Variants in KCNMB2 observed in about 807,000 individuals in gnomAD.
KCNMB2 encodes the protein calcium-activated potassium channel subunit beta-2.
In KCNMB2, 9 loss-of-function variants were observed where a neutral mutation model predicts 24.5. That is an observed-to-expected ratio of 0.37 (90% CI 0.22 to 0.64). The LOEUF (loss-of-function observed/expected upper bound fraction) is 0.64, where lower values mean the gene tolerates loss of function less well. Among genes scored for constraint, KCNMB2 ranks in the 30% least tolerant of loss-of-function variants. The pLI is 0.63. For synonymous variants in KCNMB2, 109 were observed against 104.4 expected (o/e 1.04, Z -0.27); for missense variants, 226 against 284.3 (o/e 0.79, Z 1.47).
At chr3:178,692,612 T>C (rs946565276) in intron 1 of KCNMB2, among the ~76,000 whole-genome samples, 2 of 152,180 alleles carry the variant, frequency 1.3e-5, no homozygotes, top group African/African-American at 4.8e-5. Flanking sequence ...TGTGGCTGTT[T>C]TTGTGTCAGT....
chr3:178,667,336 GAAGT>G (rs1020317480), intron 1 of KCNMB2, among the ~76,000 whole-genome samples: 1 of 152,088 alleles, frequency 6.6e-6, no homozygotes, highest in African/African-American at 2.4e-5. Context: ...AGGCCTTTAA[GAAGT>G]AAGTAGGCTA....
chr3:178,804,356 C>G (rs1401169816), intron 1 of KCNMB2, among the ~76,000 whole-genome samples: 1 of 152,078 alleles, frequency 6.6e-6, no homozygotes, highest in Non-Finnish European at 1.5e-5. Context: ...TTTTTTTAAC[C>G]TGCACAGAAC....
At chr3:178,696,612 G>A (rs1362930644) in intron 1 of KCNMB2, among the ~76,000 whole-genome samples, 2 of 151,856 alleles carry the variant, frequency 1.3e-5, no homozygotes, top group African/African-American at 4.8e-5. Flanking sequence ...GTTCAGTTCT[G>A]ATTTTTGTTA....
At chr3:178,550,670 G>C (rs375904907) in intron 1 of KCNMB2, among the ~76,000 whole-genome samples, 3 of 151,898 alleles carry the variant, frequency 2.0e-5, no homozygotes, top group Non-Finnish European at 4.4e-5. Context: ...AAAGAACAAA[G>C]CTCTAAGAAG....
At chr3:178,639,423 TAGAC>T (rs1201555976) in intron 1 of KCNMB2, among the ~76,000 whole-genome samples, 1 of 152,186 alleles carries the variant, frequency 6.6e-6, no homozygotes, top group East Asian at 1.9e-4. Context: ...GCTGTGGAGT[TAGAC>T]AAGGATTAAA....
intron 1 of KCNMB2, among the ~76,000 whole-genome samples, chr3:178,547,744 C>T (rs1235682140): frequency 6.6e-6 from 1 of 152,164 alleles, no homozygotes; most frequent in Non-Finnish European, 1.5e-5. Context: ...GAAATATCAT[C>T]TATCCACACT....
intron 1 of KCNMB2, among the ~76,000 whole-genome samples, chr3:178,707,461 G>T (rs941056631): frequency 2.0e-5 from 3 of 152,082 alleles, no homozygotes; most frequent in African/African-American, 7.2e-5. Context: ...AGATAACAAG[G>T]ATAAGAACCT....
At chr3:178,544,766 G>GA (rs1490831365) in intron 1 of KCNMB2, among the ~76,000 whole-genome samples, 14 of 151,562 alleles carry the variant, frequency 9.2e-5, no homozygotes, top group African/African-American at 3.1e-4. Flanking sequence ...TATCTGATGA[G>GA]AAAAAAAATA....
intron 4 of KCNMB2, among the ~76,000 whole-genome samples, chr3:178,838,844 A>G (rs568403484): frequency 6.6e-6 from 1 of 152,302 alleles, no homozygotes; most frequent in African/African-American, 2.4e-5. Flanking sequence ...TAAAAGTCAT[A>G]TATGTGAATA....
intron 1 of KCNMB2, among the ~76,000 whole-genome samples, chr3:178,723,585 G>A (rs905719837): frequency 6.6e-6 from 1 of 152,040 alleles, no homozygotes; most frequent in South Asian, 2.1e-4. Context: ...GGATCCTGTT[G>A]CCTAAGTAGT....
chr3:178,619,344 C>G (rs1302557489), intron 1 of KCNMB2, among the ~76,000 whole-genome samples: 1 of 152,136 alleles, frequency 6.6e-6, no homozygotes, highest in African/African-American at 2.4e-5. Flanking sequence ...CTCAAGCAGC[C>G]TGCTCAGTTT....
intron 1 of KCNMB2, among the ~76,000 whole-genome samples, chr3:178,784,513 T>C (rs1261615059): frequency 6.6e-6 from 1 of 152,152 alleles, no homozygotes; most frequent in Non-Finnish European, 1.5e-5. Context: ...AAGTTATTTA[T>C]GTTATTTATA....
At chr3:178,726,876 T>G (rs2108363278) in intron 1 of KCNMB2, among the ~76,000 whole-genome samples, 1 of 152,206 alleles carries the variant, frequency 6.6e-6, no homozygotes, top group South Asian at 2.1e-4. Flanking sequence ...CTCCCATAAT[T>G]TATTGAAAAG....
At chr3:178,600,264 G>A (rs751017086) in intron 1 of KCNMB2, among the ~76,000 whole-genome samples, 16 of 152,142 alleles carry the variant, frequency 1.1e-4, no homozygotes, top group Non-Finnish European at 2.2e-4. Flanking sequence ...TTTTAAGGCT[G>A]AATATTCCAT....
chr3:178,577,241 C>T (rs780759442), intron 1 of KCNMB2, among the ~76,000 whole-genome samples: 1 of 152,080 alleles, frequency 6.6e-6, no homozygotes, highest in Non-Finnish European at 1.5e-5. Context: ...CTGGAGTGGA[C>T]CTTCAGCAGA....
At chr3:178,610,104 C>T (rs1219628097) in intron 1 of KCNMB2, among the ~76,000 whole-genome samples, 2 of 152,262 alleles carry the variant, frequency 1.3e-5, no homozygotes, top group East Asian at 1.9e-4. Flanking sequence ...GGATTTGTTT[C>T]TGGGTTCTCT....
At chr3:178,596,995 A>T (rs1050855225) in intron 1 of KCNMB2, among the ~76,000 whole-genome samples, 3 of 152,084 alleles carry the variant, frequency 2.0e-5, no homozygotes, top group African/African-American at 7.2e-5. Context: ...GGGTGGGTGG[A>T]GTTTCCATCC....
At chr3:178,649,022 G>A (rs1304410208) in intron 1 of KCNMB2, among the ~76,000 whole-genome samples, 2 of 152,072 alleles carry the variant, frequency 1.3e-5, no homozygotes, top group Non-Finnish European at 2.9e-5. Flanking sequence ...TCTCTAAATT[G>A]CCTAATCATG....
chr3:178,602,572 G>A (rs1718121253), intron 1 of KCNMB2, among the ~76,000 whole-genome samples: 1 of 145,514 alleles, frequency 6.9e-6, no homozygotes, highest in African/African-American at 2.5e-5. Context: ...AGGTTCGGGG[G>A]TGGGGGGGAG....
Sources: allele counts gnomAD v4.1 joint callset (sites outside exome capture counted in the v4.1 genomes callset), GRCh38; gene constraint gnomAD v4.1.1; transcripts MANE v1.5; gene names NCBI Gene and HGNC (gene_info 2026-07-23, HGNC 2026-07-21).